The following ATOSB variants were observed in gnomAD, a reference collection of about 807,000 sequenced individuals.
ATOSB encodes the protein atos homolog protein B.
At chr9:35,107,277 T>G in the ATOSB span, 1 of 1,350,398 alleles carries the variant, frequency 7.4e-7, no homozygotes, top group Non-Finnish European at 9.9e-7. Flanking sequence ...CAGCTGAGAT[T>G]GTGCCACTGC....
chr9:35,113,015 G>T, the ATOSB span, among the ~76,000 whole-genome samples: 3 of 152,120 alleles, frequency 2.0e-5, no homozygotes, highest in Non-Finnish European at 4.4e-5. Flanking sequence ...TAAGAACCCA[G>T]TTCCCTTGGG....
the ATOSB span, chr9:35,108,584 T>A: frequency 8.7e-7 from 1 of 1,150,786 alleles, no homozygotes; most frequent in Middle Eastern, 3.6e-4. Flanking sequence ...CTCTTCTCCC[T>A]GGTACTTACC....
At chr9:35,111,340 T>G in the ATOSB span, 1 of 159,558 alleles carries the variant, frequency 6.3e-6, no homozygotes, top group African/African-American at 2.4e-5. Flanking sequence ...TCCCGGTCCC[T>G]CCCCTTGGTT....
chr9:35,108,620 T>C, the ATOSB span: 1 of 1,070,460 alleles, frequency 9.3e-7, no homozygotes, highest in Non-Finnish European at 1.1e-6. Flanking sequence ...CAAGCCTAGC[T>C]GTGCGTCCCC....
the ATOSB span, chr9:35,107,685 C>T: frequency 5.0e-6 from 8 of 1,609,410 alleles, no homozygotes; most frequent in Admixed American, 1.7e-5. Context: ...GCTCTTACCC[C>T]CTATTTGTGC....
chr9:35,106,040 G>A, the ATOSB span: 1 of 1,602,638 alleles, frequency 6.2e-7, no homozygotes. The surrounding 1 kb of genome is among the most constrained non-coding windows in gnomAD (Gnocchi z 4.6). Context: ...CAGTCAAGGT[G>A]GGGACTAGGA....
chr9:35,108,737 C>A, the ATOSB span: 1 of 978,962 alleles, frequency 1.0e-6, no homozygotes, highest in East Asian at 1.1e-4. Flanking sequence ...TCAGCAGGAC[C>A]CTGAGGAGAG....
At chr9:35,116,354 T>C in the ATOSB span, 1 of 152,494 alleles carries the variant, frequency 6.6e-6, no homozygotes, top group African/African-American at 2.4e-5. Flanking sequence ...TGGTCGCAGG[T>C]CGCCTGAGGT....
chr9:35,105,162 C>A, the ATOSB span: 1 of 1,541,490 alleles, frequency 6.5e-7, no homozygotes, highest in South Asian at 1.2e-5. This position sits in a 1 kb window ranked among gnomAD's most constrained non-coding sequence, Gnocchi z 5.5. Flanking sequence ...CATATATGTT[C>A]TCTAAGATGG....
At chr9:35,107,906 G>A in the ATOSB span, 1 of 1,595,596 alleles carries the variant, frequency 6.3e-7, no homozygotes, top group Non-Finnish European at 8.5e-7. Context: ...CCACAACACA[G>A]AGGCCACGGT....
At chr9:35,115,117 A>G in the ATOSB span, among the ~76,000 whole-genome samples, 2 of 151,876 alleles carry the variant, frequency 1.3e-5, no homozygotes, top group Non-Finnish European at 2.9e-5. Flanking sequence ...GTTGACAGGA[A>G]CCCAGCGGGG....
chr9:35,109,952 A>G, the ATOSB span: 68,770 of 151,846 alleles, frequency 0.45, 16,357 homozygotes, highest in East Asian at 0.59. Context: ...CAGACATCTG[A>G]GCAGCAGTCC....
At chr9:35,107,757 TC>T in the ATOSB span, 1 of 1,566,822 alleles carries the variant, frequency 6.4e-7, no homozygotes, top group Non-Finnish European at 8.6e-7. Context: ...CCCTGGGGAC[TC>T]CCCCAGGGAC....
At chr9:35,113,626 T>C in the ATOSB span, among the ~76,000 whole-genome samples, 1 of 120,112 alleles carries the variant, frequency 8.3e-6, no homozygotes, top group East Asian at 2.2e-4. Context: ...AGACTCCGTC[T>C]CAAAAATAAA....
chr9:35,108,589 C>A, the ATOSB span: 27 of 1,140,802 alleles, frequency 2.4e-5, no homozygotes, highest in Admixed American at 4.6e-5. Flanking sequence ...CTCCCTGGTA[C>A]TTACCCCGAT....
the ATOSB span, chr9:35,111,421 G>A: frequency 6.5e-6 from 1 of 153,216 alleles, no homozygotes; most frequent in Non-Finnish European, 1.5e-5. Context: ...GCTCTGCTAG[G>A]CTCTTCGCTG....
At chr9:35,115,587 A>T in the ATOSB span, 4 of 95,938 alleles carry the variant, frequency 4.2e-5, no homozygotes, top group Admixed American at 2.9e-4. Context: ...TCAGACAGAG[A>T]CAGCCCCCTC....
At chr9:35,107,332 A>AG in the ATOSB span, 10 of 1,545,728 alleles carry the variant, frequency 6.5e-6, no homozygotes, top group East Asian at 2.3e-4. Flanking sequence ...AAAAAAAAAA[A>AG]AAAAAAAAAA....
At chr9:35,104,654 A>T in the ATOSB span, 1 of 417,926 alleles carries the variant, frequency 2.4e-6, no homozygotes, top group African/African-American at 2.1e-5. Context: ...GGACTGGGGA[A>T]GGACAGGGGA....
Sources: allele counts gnomAD v4.1 joint callset (sites outside exome capture counted in the v4.1 genomes callset), GRCh38; gene constraint gnomAD v4.1.1; non-coding constraint Gnocchi (gnomAD v3.1); transcripts MANE v1.5; gene names NCBI Gene and HGNC (gene_info 2026-07-23, HGNC 2026-07-21).